Variants in HK1 observed in about 807,000 individuals in gnomAD.
HK1 encodes the protein hexokinase-1.
In HK1, 28 loss-of-function variants were observed where a neutral mutation model predicts 91.6. The observed-to-expected ratio is 0.31, with a 90% CI of 0.23 to 0.42. The LOEUF (loss-of-function observed/expected upper bound fraction) is 0.42. Among genes scored for constraint, HK1 ranks in the 10% least tolerant of loss-of-function variants. The probability of loss-of-function intolerance (pLI) is 1.00; values close to 1 mark genes in which losing one functional copy is unlikely to be tolerated. For synonymous variants in HK1, 430 were observed against 468.1 expected (o/e 0.92, Z 1.05); for missense variants, 770 against 1,219.8 (o/e 0.63, Z 5.49).
intron 1 of HK1, among the ~76,000 whole-genome samples, chr10:69,319,588 C>T (rs1490047950): frequency 1.3e-5 from 2 of 152,272 alleles, no homozygotes; most frequent in Admixed American, 1.3e-4. Flanking sequence ...CCACCGGAAA[C>T]TTTGCTCATA....
intron 14 of HK1, among the ~76,000 whole-genome samples, chr10:69,391,351 A>G (rs1469394216): frequency 6.6e-6 from 1 of 152,276 alleles, no homozygotes; most frequent in Non-Finnish European, 1.5e-5. Flanking sequence ...TGTCGAGAAA[A>G]GATAAGTGGG....
At chr10:69,328,040 T>A (rs965919421) in intron 1 of HK1, among the ~76,000 whole-genome samples, 2 of 152,172 alleles carry the variant, frequency 1.3e-5, no homozygotes, top group Non-Finnish European at 2.9e-5. Context: ...ATTTGTGAGC[T>A]TTCACTTGCA....
chr10:69,291,300 A>G (rs1399112751), intron 3 of HK1, among the ~76,000 whole-genome samples: 1 of 152,226 alleles, frequency 6.6e-6, no homozygotes, highest in Non-Finnish European at 1.5e-5. Flanking sequence ...AGGTCCAGGG[A>G]GAGGAGCACA....
intron 2 of HK1, among the ~76,000 whole-genome samples, chr10:69,358,803 C>T (rs1849266047): frequency 1.4e-5 from 2 of 146,584 alleles, no homozygotes; most frequent in South Asian, 4.2e-4. Context: ...GCCAAGGTTG[C>T]AGTGAGCTGA....
intron 1 of HK1, 71 bp downstream of exon 1, chr10:69,319,081 G>A: frequency 6.6e-7 from 1 of 1,521,194 alleles, no homozygotes; most frequent in Non-Finnish European, 8.9e-7. Context: ...CGCCGCCTCC[G>A]CTGCCTCCAT....
At position 69,369,119 on chromosome 10, in the gene HK1, T is replaced by C. The variant is rs2305198; in HGVS notation, c.592-118T>C. On this transcript the variant is annotated intron_variant, in intron 5 of 17. Coordinates refer to ENST00000359426, the MANE Select transcript of HK1 (RefSeq NM_000188.3). The surrounding 1 kb of genome is among the most constrained non-coding windows in gnomAD (Gnocchi z 4.4). ...TGAGTACCAGCTGTAATGAAACCAG[T>C]ACCACTCACAAAAGCAGGGGTTCTG... 299,099 of 746,636 alleles carry C rather than the reference T, an allele frequency of 0.4. 63,615 individuals carry two copies. Among genetic ancestry groups the C allele is most frequent in the African/African-American group, 0.66 (38,176 of 58,104 alleles). The allele number at this position is 746,636 out of a possible 1,614,324, so 46.3% of individuals were successfully genotyped here.
intron 1 of HK1, among the ~76,000 whole-genome samples, chr10:69,272,922 T>C (rs1844242651): frequency 6.6e-6 from 1 of 151,964 alleles, no homozygotes; most frequent in African/African-American, 2.4e-5. Flanking sequence ...ATGCAAACAT[T>C]AGAGCATTTC....
In HK1 at chr10:69,330,149, C is replaced by G. The variant is rs112243260; in HGVS notation, c.63+11139C>G. Among the ~76,000 whole-genome samples, 1,381 of 152,212 alleles carry G rather than the reference C, an allele frequency of 9.1e-3. 24 individuals are homozygous for G. Among genetic ancestry groups the G allele is most frequent in the African/African-American group, 0.031 (1,276 of 41,512 alleles). The stretch of plus-strand genomic sequence containing the variant: ...CAATTGATTGACACATGGGGCTTGT[C>G]TTCAGCCATGTTATTCACCCAGACC... On this transcript the variant is annotated intron_variant, in intron 1 of 17. Transcript: ENST00000359426.
At chr10:69,335,991 AAAAG>A (rs1483630404) in intron 1 of HK1, among the ~76,000 whole-genome samples, 1 of 152,230 alleles carries the variant, frequency 6.6e-6, no homozygotes, top group African/African-American at 2.4e-5. Context: ...TTGTAAAACA[AAAAG>A]AACCATCCAT....
At chr10:69,299,684 T>C (rs1273082378) in intron 4 of HK1, among the ~76,000 whole-genome samples, 1 of 143,528 alleles carries the variant, frequency 7.0e-6, no homozygotes, top group African/African-American at 2.6e-5. Context: ...TTTTTTGAGA[T>C]GGAGTCTCAC....
chr10:69,309,948 G>A (rs1447277758), intron 5 of HK1, among the ~76,000 whole-genome samples: 2 of 151,708 alleles, frequency 1.3e-5, no homozygotes, highest in African/African-American at 4.8e-5. Context: ...TACTTGGGAG[G>A]CTGAGGCAGG....
chr10:69,367,951 G>A lies in HK1; in HGVS notation c.496-585G>A, dbSNP rs115901268. 5.9e-3 allele frequency among the ~76,000 whole-genome samples: 894 copies of A among 152,326 alleles called. 8 individuals are homozygous for A. The highest frequency in any genetic ancestry group is 0.021 in the African/African-American group (860 of 41,562). On this transcript the variant is annotated intron_variant, in intron 4 of 17. Coordinates refer to ENST00000359426, the MANE Select transcript of HK1 (RefSeq NM_000188.3). ...ATGCAAAGTGAAATAGGATCATACT[G>A]TGTAAATAGGGGAGTCACCACTTAC...
chr10:69,318,075 C>T (rs560084955), upstream of HK1: 1 of 985,448 alleles, frequency 1.0e-6, no homozygotes, highest in South Asian at 4.7e-5. Context: ...TGGCCCAAGT[C>T]CCGCCCAGAG....
chr10:69,318,936 C>G lies in HK1; in HGVS notation c.-12C>G. 1 of 1,585,156 alleles carries G rather than the reference C, an allele frequency of 6.3e-7. No individual in the cohort carries two copies. The highest frequency in any genetic ancestry group is 8.6e-7 in the Non-Finnish European group (1 of 1,167,354). ...TCCCCACGCCTGCCGCCCCGCGACC[C>G]CGACCGCCAGCATGATCGCCGCGCA... On this transcript the variant is annotated 5_prime_UTR_variant, in exon 1 of 18. Coordinates refer to ENST00000359426, the MANE Select transcript of HK1 (RefSeq NM_000188.3).
chr10:69,346,540 T>C (rs1207627275), intron 2 of HK1, among the ~76,000 whole-genome samples: 1 of 152,056 alleles, frequency 6.6e-6, no homozygotes, highest in Non-Finnish European at 1.5e-5. Flanking sequence ...GAGGTTTTTG[T>C]TTTTGGTATT....
At chr10:69,350,380 C>T (rs993086121) in intron 2 of HK1, among the ~76,000 whole-genome samples, 1 of 152,148 alleles carries the variant, frequency 6.6e-6, no homozygotes, top group African/African-American at 2.4e-5. Context: ...GACATCATTC[C>T]TCAGTGTCTT....
At chr10:69,315,338 C>T (rs907820120), upstream of HK1, among the ~76,000 whole-genome samples, 2 of 152,192 alleles carry the variant, frequency 1.3e-5, no homozygotes, top group African/African-American at 4.8e-5. Flanking sequence ...TACAGACATT[C>T]CAACTTAGAA....
At chr10:69,307,107 T>C (rs1257235939) in intron 5 of HK1, among the ~76,000 whole-genome samples, 1 of 152,190 alleles carries the variant, frequency 6.6e-6, no homozygotes, top group Non-Finnish European at 1.5e-5. Flanking sequence ...GACTTGATTC[T>C]CATAGGCAGC....
chr10:69,349,590 G>T (rs1848741435), intron 2 of HK1, among the ~76,000 whole-genome samples: 2 of 152,306 alleles, frequency 1.3e-5, no homozygotes, highest in South Asian at 4.1e-4. Flanking sequence ...GGGGAAGGAG[G>T]CAGAGAAAAG....
Sources: gnomAD v4.1 joint callset for allele counts (sites outside exome capture counted in the v4.1 genomes callset) on GRCh38, gnomAD v4.1.1 for gene constraint, Gnocchi (gnomAD v3.1) non-coding constraint, MANE v1.5 for transcripts, NCBI Gene and HGNC (gene_info 2026-07-23, HGNC 2026-07-21) for gene names.